The following ANKRD6 variants were observed in gnomAD, a reference collection of about 807,000 sequenced individuals.
ANKRD6 encodes the protein ankyrin repeat domain 6, also known as ankyrin repeat domain-containing protein 6.
ANKRD6 carries 56 observed loss-of-function variants against 82.3 expected under a neutral mutation model. That is an observed-to-expected ratio of 0.68 (90% CI 0.55 to 0.85). The LOEUF (loss-of-function observed/expected upper bound fraction) is 0.85. Ranked by LOEUF, ANKRD6 falls within the 40% of genes least tolerant of loss-of-function variation. ANKRD6 has a pLI of 0.00. For missense variants in ANKRD6, 852 were observed against 907.6 expected, an observed-to-expected ratio of 0.94 and a Z score of 0.79; for synonymous variants, 347 against 352.1, an observed-to-expected ratio of 0.99 and a Z score of 0.16.
At chr6:89,461,004 G>A (rs1021207487) in intron 1 of ANKRD6, among the ~76,000 whole-genome samples, 1 of 149,050 alleles carries the variant, frequency 6.7e-6, no homozygotes, top group East Asian at 2.0e-4. Context: ...GGGTTCAAGC[G>A]ATTCTCCTGC....
chr6:89,576,140 C>T (rs969744658), intron 2 of ANKRD6, among the ~76,000 whole-genome samples: 1 of 152,080 alleles, frequency 6.6e-6, no homozygotes, highest in Non-Finnish European at 1.5e-5. Flanking sequence ...CAAGCTCTGC[C>T]TTCTGGGTTC....
In ANKRD6 at chr6:89,623,928, G is replaced by A; in HGVS notation, c.1089G>A (p.Lys363=). 6.2e-7 allele frequency: 1 copy of A among 1,613,900 alleles called. No homozygotes were observed. The change falls in exon 12 of 16, where the codon AAG becomes AAA. Residue 363 remains lysine, a synonymous_variant. Transcript: ENST00000339746. The part of the protein sequence containing the change: ...PPADQQPGHQ[K]NLHAHNHPKK... ...CCGACCAACAGCCTGGACACCAGAA[G>A]AACCTGCATGCTCATAATCACCCTA...
intron 1 of ANKRD6, among the ~76,000 whole-genome samples, chr6:89,442,193 G>T (rs1403181231): frequency 3.3e-5 from 5 of 151,576 alleles, no homozygotes; most frequent in Admixed American, 3.3e-4. Flanking sequence ...ACGGGGTTTC[G>T]CCATGTTCCC....
chr6:89,479,735 T>A (rs1257447158), intron 1 of ANKRD6, among the ~76,000 whole-genome samples: 1 of 151,868 alleles, frequency 6.6e-6, no homozygotes, highest in African/African-American at 2.4e-5. Context: ...ACTCATCATT[T>A]AACATTAGGT....
At chr6:89,447,088 T>C (rs1212415095) in intron 1 of ANKRD6, among the ~76,000 whole-genome samples, 1 of 152,166 alleles carries the variant, frequency 6.6e-6, no homozygotes, top group Non-Finnish European at 1.5e-5. Context: ...ATCCTGTCTC[T>C]ACAAAAAATT....
Position 89,433,922 on chromosome 6 carries a change from T to C in ANKRD6, c.-144+547T>C, listed in dbSNP as rs543558647. Among the ~76,000 whole-genome samples, 106 of 152,314 alleles carry C rather than the reference T, an allele frequency of 7.0e-4. No individual in the cohort carries two copies. The highest frequency in any genetic ancestry group is 2.5e-3 in the African/African-American group (103 of 41,562). On this transcript the variant is annotated intron_variant, in intron 1 of 15. Coordinates refer to ENST00000339746, the MANE Select transcript of ANKRD6 (RefSeq NM_001242809.2). This position sits in a 1 kb window ranked among gnomAD's most constrained non-coding sequence, Gnocchi z 4.3. ...CGGGGTCCAGAGAGTCGGCGTGCTGTCTGGTTTGGGTCCAGACATCAGCTC... is the reference window on the plus strand; with the variant it reads ...CGGGGTCCAGAGAGTCGGCGTGCTGCCTGGTTTGGGTCCAGACATCAGCTC...
intron 1 of ANKRD6, among the ~76,000 whole-genome samples, chr6:89,454,644 A>G (rs561105007): frequency 6.6e-6 from 1 of 152,364 alleles, no homozygotes; most frequent in South Asian, 2.1e-4. Flanking sequence ...AATTTGAGGT[A>G]CGTCATTGGG....
intron 15 of ANKRD6, chr6:89,629,534 G>T: frequency 2.5e-6 from 1 of 394,162 alleles, no homozygotes. Context: ...GGACCCCAAA[G>T]ATGAGAGGTG....
intron 1 of ANKRD6, among the ~76,000 whole-genome samples, chr6:89,466,401 T>C (rs1401427370): frequency 1.3e-5 from 2 of 152,242 alleles, no homozygotes; most frequent in Non-Finnish European, 2.9e-5. Context: ...TTGACACATA[T>C]TGCCAAATTT....
chr6:89,557,838 AG>A (rs1466592672), intron 1 of ANKRD6, among the ~76,000 whole-genome samples: 1 of 152,044 alleles, frequency 6.6e-6, no homozygotes, highest in Non-Finnish European at 1.5e-5. Context: ...TGCACATGTA[AG>A]GGATCTGGGT....
chr6:89,599,077 T>C (rs1796515820), intron 3 of ANKRD6, among the ~76,000 whole-genome samples: 1 of 151,790 alleles, frequency 6.6e-6, no homozygotes, highest in South Asian at 2.1e-4. Context: ...CAGTAGGGAG[T>C]CAATAAATAT....
chr6:89,494,763 G>A (rs975898067), intron 1 of ANKRD6, among the ~76,000 whole-genome samples: 5 of 152,104 alleles, frequency 3.3e-5, no homozygotes, highest in African/African-American at 7.2e-5. Context: ...GGAAAGTGGC[G>A]CCTACTTCTG....
At chr6:89,608,368 C>CACACACTATATATATA in intron 5 of ANKRD6, among the ~76,000 whole-genome samples, 1 of 130,752 alleles carries the variant, frequency 7.6e-6, no homozygotes, top group African/African-American at 3.1e-5. Flanking sequence ...CACACACACA[C>CACACACTATATATATA]TATATATATA....
intron 1 of ANKRD6, among the ~76,000 whole-genome samples, chr6:89,463,398 A>G (rs779461381): frequency 4.6e-5 from 7 of 152,228 alleles, no homozygotes; most frequent in Non-Finnish European, 7.3e-5. Flanking sequence ...AAAGTATTGT[A>G]CATGAATGTT....
chr6:89,493,220 T>TC (rs1778209978), intron 1 of ANKRD6, among the ~76,000 whole-genome samples: 1 of 152,180 alleles, frequency 6.6e-6, no homozygotes, highest in Non-Finnish European at 1.5e-5. Context: ...AAAATCAATG[T>TC]GTTGCAGGGC....
chr6:89,525,939 G>T (rs180990711), intron 1 of ANKRD6, among the ~76,000 whole-genome samples: 10 of 152,188 alleles, frequency 6.6e-5, no homozygotes, highest in Non-Finnish European at 1.2e-4. Flanking sequence ...AGTGGTCTGG[G>T]TTGTAAATCA....
At chr6:89,443,464 C>G (rs1771682689) in intron 1 of ANKRD6, among the ~76,000 whole-genome samples, 1 of 152,054 alleles carries the variant, frequency 6.6e-6, no homozygotes, top group Admixed American at 6.6e-5. Flanking sequence ...GACCTGTGGT[C>G]CACAAATTAT....
intron 1 of ANKRD6, among the ~76,000 whole-genome samples, chr6:89,527,861 G>GT (rs1782694918): frequency 6.6e-6 from 1 of 152,116 alleles, no homozygotes; most frequent in African/African-American, 2.4e-5. Flanking sequence ...TCAGGCGGGA[G>GT]TATAATAGCG....
At chr6:89,562,036 G>A (rs530782140) in intron 1 of ANKRD6, among the ~76,000 whole-genome samples, 1 of 152,334 alleles carries the variant, frequency 6.6e-6, no homozygotes, top group South Asian at 2.1e-4. Context: ...TAGAGACAGA[G>A]AGGAAAATGT....
Sources: gnomAD v4.1 joint callset for allele counts (sites outside exome capture counted in the v4.1 genomes callset) on GRCh38, gnomAD v4.1.1 for gene constraint, Gnocchi (gnomAD v3.1) non-coding constraint, MANE v1.5 for transcripts, NCBI Gene and HGNC (gene_info 2026-07-23, HGNC 2026-07-21) for gene names.